Variants in PARD6G observed in about 807,000 individuals in gnomAD.
PARD6G encodes partitioning defective 6 homolog gamma.
PARD6G carries 7 observed loss-of-function variants against 10.7 expected under a neutral mutation model. The ratio of observed to expected loss-of-function variants is 0.66; its 90% CI spans 0.37 to 1.23. The LOEUF (loss-of-function observed/expected upper bound fraction) is 1.23, where lower values mean the gene tolerates loss of function less well. Ranked by LOEUF, PARD6G falls within the 50% of genes most tolerant of loss-of-function variation. PARD6G has a pLI of 0.02. For synonymous variants in PARD6G, 287 were observed against 269.4 expected (o/e 1.07, Z -0.64); for missense variants, 548 against 571.8 (o/e 0.96, Z 0.42).
intron 1 of PARD6G, among the ~76,000 whole-genome samples, chr18:80,226,994 T>C (rs1411977464): frequency 6.6e-6 from 1 of 152,214 alleles, no homozygotes; most frequent in Non-Finnish European, 1.5e-5. Context: ...AGACAGGGTC[T>C]TATTCTGTTG....
In PARD6G at chr18:80,159,598, G is replaced by C; in HGVS notation, c.*173C>G. The C allele has an allele frequency of 9.0e-7, 1 of 1,116,540 alleles. No homozygotes were observed. Among genetic ancestry groups the C allele is most frequent in the Non-Finnish European group, 1.2e-6 (1 of 867,524 alleles). The allele number at this position is 1,116,540 out of a possible 1,614,324, so 69.2% of individuals were successfully genotyped here. On this transcript the variant is annotated 3_prime_UTR_variant, in exon 3 of 3. Transcript: ENST00000353265. Reference sequence around the variant, plus strand: ...AGGCGTTCATTTTAAGTTCTGTGGCGAAATTCTATAAAAATAGGCAATACT... The same window carrying C: ...AGGCGTTCATTTTAAGTTCTGTGGCCAAATTCTATAAAAATAGGCAATACT...
rs1266443123 is a variant in PARD6G, at chr18:80,181,078, C to T, written c.296-20472G>A. On this transcript the variant is annotated intron_variant, in intron 2 of 2. Coordinates refer to ENST00000353265, the MANE Select transcript of PARD6G (RefSeq NM_032510.4). The surrounding 1 kb of genome is among the most constrained non-coding windows in gnomAD (Gnocchi z 7.9). ...AAGGTCTGAACCTCACGCGCGATCT[C>T]GACATTAGAACATGGGCTGCGACCG... Among the ~76,000 whole-genome samples the T allele has an allele frequency of 4.6e-5, 7 of 152,170 alleles. No homozygotes were observed. The highest frequency in any genetic ancestry group is 8.8e-5 in the Non-Finnish European group (6 of 68,024).
intron 1 of PARD6G, among the ~76,000 whole-genome samples, chr18:80,229,608 T>C (rs920152968): frequency 3.9e-5 from 6 of 152,268 alleles, no homozygotes; most frequent in African/African-American, 1.4e-4. Context: ...TCAGGGCTCA[T>C]GTGCACATTA....
chr18:80,203,702 G>A (rs986835639), intron 1 of PARD6G, among the ~76,000 whole-genome samples: 3 of 152,150 alleles, frequency 2.0e-5, no homozygotes, highest in Non-Finnish European at 4.4e-5. Context: ...AGGAGAGGAC[G>A]CAAGGCCGGA....
In PARD6G at chr18:80,196,891, A is replaced by T. The variant is rs889573893; in HGVS notation, c.295+5819T>A. Among the ~76,000 whole-genome samples, 100 of 38,044 alleles carry T rather than the reference A, an allele frequency of 2.6e-3. No homozygotes were observed. In the East Asian group the frequency reaches 0.037, roughly 14 times the overall value. 25.0% of individuals were successfully genotyped at this position (38,044 alleles called of 152,430 possible). ...GAGTGGGAGACTTTTTTCTTTTATT[A>T]AAAAAAAAAAAAAAAAAAAAAAAAA... On this transcript the variant is annotated intron_variant, in intron 2 of 2. Transcript: ENST00000353265.
In PARD6G at chr18:80,175,142, G is replaced by T. The variant is rs2052801208; in HGVS notation, c.296-14536C>A. 6.6e-6 allele frequency among the ~76,000 whole-genome samples: 1 copy of T among 152,108 alleles called. No homozygotes were observed. The highest frequency in any genetic ancestry group is 2.4e-5 in the African/African-American group (1 of 41,410). The stretch of plus-strand genomic sequence containing the variant: ...CATAATCCTTCTTCCTAACAGTCTA[G>T]TACACACTTCCCCAGACTATTTAGT... On this transcript the variant is annotated intron_variant, in intron 2 of 2. Coordinates refer to ENST00000353265, the MANE Select transcript of PARD6G (RefSeq NM_032510.4). This position sits in a 1 kb window ranked among gnomAD's most constrained non-coding sequence, Gnocchi z 6.7.
intron 2 of PARD6G, among the ~76,000 whole-genome samples, chr18:80,187,414 T>C (rs546525787): frequency 6.6e-5 from 10 of 152,356 alleles, no homozygotes; most frequent in African/African-American, 2.4e-4. Flanking sequence ...GTGAGAAGGA[T>C]TCTACCCACT....
intron 2 of PARD6G, among the ~76,000 whole-genome samples, chr18:80,172,471 C>T (rs2052783957): frequency 6.6e-6 from 1 of 151,890 alleles, no homozygotes; most frequent in Non-Finnish European, 1.5e-5. Flanking sequence ...CTCTGCCTCC[C>T]AGGCTCAGGC....
intron 1 of PARD6G, among the ~76,000 whole-genome samples, chr18:80,210,716 G>A (rs1202421904): frequency 1.3e-5 from 2 of 152,152 alleles, no homozygotes; most frequent in Non-Finnish European, 2.9e-5. Context: ...ATCTACAAAG[G>A]GAACGACTAA....
chr18:80,198,724 T>A (rs530774236), intron 2 of PARD6G, among the ~76,000 whole-genome samples: 1 of 152,166 alleles, frequency 6.6e-6, no homozygotes, highest in South Asian at 2.1e-4. Flanking sequence ...AATATGTTTA[T>A]TAAAAAGTCA....
chr18:80,212,331 G>A (rs1364911743), intron 1 of PARD6G, among the ~76,000 whole-genome samples: 1 of 152,202 alleles, frequency 6.6e-6, no homozygotes, highest in Non-Finnish European at 1.5e-5. Flanking sequence ...GGAATAAACA[G>A]GTTGGAAAAT....
rs1191540780 is a variant in PARD6G, at chr18:80,175,703, A to G, written c.296-15097T>C. Among the ~76,000 whole-genome samples, 2 of 152,168 alleles carry G rather than the reference A, an allele frequency of 1.3e-5. No individual in the cohort carries two copies. The highest frequency in any genetic ancestry group is 1.9e-4 in the East Asian group (1 of 5,202). ...ACCCTCGTTCCACCACCGCAGGGAC[A>G]TTAGGTGTTTGGGCTTTTGCCAAAT... On this transcript the variant is annotated intron_variant, in intron 2 of 2. Transcript: ENST00000353265. The surrounding 1 kb of genome is among the most constrained non-coding windows in gnomAD (Gnocchi z 6.7).
At chr18:80,203,106 G>C in intron 1 of PARD6G, 174 bp from the exon 2 acceptor site, 2 of 554,204 alleles carry the variant, frequency 3.6e-6, no homozygotes, top group South Asian at 2.0e-5. Context: ...ATTATGAATA[G>C]TGCTGGAATG....
chr18:80,159,456 A>AAAAC lies in PARD6G; in HGVS notation c.*311_*314dup, dbSNP rs1238932360. On this transcript the variant is annotated 3_prime_UTR_variant, in exon 3 of 3. Transcript: ENST00000353265. ...AAAGTAATTTTAAAGCTTCACTTTAAAAACAAAGTATTTGTAAAAATTTTA... is the reference window on the plus strand; with the variant it reads ...AAAGTAATTTTAAAGCTTCACTTTAAAAACAAACAAAGTATTTGTAAAAATTTTA... 3.6e-6 allele frequency: 1 copy of AAAAC among 277,934 alleles called. No individual in the cohort carries two copies. Among genetic ancestry groups the AAAAC allele is most frequent in the African/African-American group, 2.2e-5 (1 of 45,478 alleles). The allele number at this position is 277,934 out of a possible 1,614,324, so 17.2% of individuals were successfully genotyped here.
At chr18:80,193,662 A>T (rs972873523) in intron 2 of PARD6G, among the ~76,000 whole-genome samples, 1 of 152,242 alleles carries the variant, frequency 6.6e-6, no homozygotes, top group Non-Finnish European at 1.5e-5. Context: ...ATATTTTACC[A>T]GTATAAAAAG....
chr18:80,242,851 A>G (rs1481795813), intron 1 of PARD6G, among the ~76,000 whole-genome samples: 1 of 152,252 alleles, frequency 6.6e-6, no homozygotes, highest in Admixed American at 6.5e-5. Flanking sequence ...ATACCATTTC[A>G]CTCATCTAAT....
In PARD6G at chr18:80,223,468, T is replaced by C. The variant is rs544870275; in HGVS notation, c.73-20536A>G. ...ATTAAAAATGGTCAAATAACTTTAATAGACATTCCCCAAAAAAGATACACA... is the reference window on the plus strand; with the variant it reads ...ATTAAAAATGGTCAAATAACTTTAACAGACATTCCCCAAAAAAGATACACA... On this transcript the variant is annotated intron_variant, in intron 1 of 2. Coordinates refer to ENST00000353265, the MANE Select transcript of PARD6G (RefSeq NM_032510.4). 5.9e-5 allele frequency among the ~76,000 whole-genome samples: 9 copies of C among 152,252 alleles called. No individual in the cohort carries two copies. In the South Asian group the frequency reaches 1.9e-3, roughly 32 times the overall value.
At position 80,183,165 on chromosome 18, in the gene PARD6G, G is replaced by A. The variant is rs1165451420; in HGVS notation, c.295+19545C>T. 1 of 702,996 alleles carries A rather than the reference G, an allele frequency of 1.4e-6. No homozygotes were observed. Among genetic ancestry groups the A allele is most frequent in the Non-Finnish European group, 2.6e-6 (1 of 384,998 alleles). The allele number at this position is 702,996 out of a possible 1,614,324, so 43.5% of individuals were successfully genotyped here. A position where few individuals can be genotyped will look rare whatever the true frequency, so the allele number is the denominator to read the frequency against. ...GGCTCCGTCATCTGCAGGAAAATTAGTGAAGAAGTGGAGGGCCTTGCAATG... is the reference window on the plus strand; with the variant it reads ...GGCTCCGTCATCTGCAGGAAAATTAATGAAGAAGTGGAGGGCCTTGCAATG... On this transcript the variant is annotated intron_variant, in intron 2 of 2. Coordinates refer to ENST00000353265, the MANE Select transcript of PARD6G (RefSeq NM_032510.4). This position sits in a 1 kb window ranked among gnomAD's most constrained non-coding sequence, Gnocchi z 4.5.
chr18:80,198,822 T>A (rs1208194041), intron 2 of PARD6G, among the ~76,000 whole-genome samples: 5 of 152,218 alleles, frequency 3.3e-5, no homozygotes, highest in Non-Finnish European at 7.3e-5. Flanking sequence ...ATGGCTCAGA[T>A]CCAGGGGTCT....
Sources: gnomAD v4.1 joint callset for allele counts (sites outside exome capture counted in the v4.1 genomes callset) on GRCh38, gnomAD v4.1.1 for gene constraint, Gnocchi (gnomAD v3.1) non-coding constraint, MANE v1.5 for transcripts, NCBI Gene and HGNC (gene_info 2026-07-23, HGNC 2026-07-21) for gene names.